The following CAST variants were observed in gnomAD, a reference collection of about 807,000 sequenced individuals.
CAST encodes calpastatin.
CAST carries 76 observed loss-of-function variants against 119.6 expected under a neutral mutation model. That is an observed-to-expected ratio of 0.64 (90% CI 0.53 to 0.77). CAST has a LOEUF of 0.77. CAST is among the 30% of genes least tolerant of loss of function. CAST has a pLI of 0.00. For synonymous variants in CAST, 319 were observed against 331.6 expected, an observed-to-expected ratio of 0.96 and a Z score of 0.41; for missense variants, 953 against 946.5, an observed-to-expected ratio of 1.01 and a Z score of -0.09.
chr5:96,511,495 A>G, the CAST span, among the ~76,000 whole-genome samples: 1 of 152,116 alleles, frequency 6.6e-6, no homozygotes, highest in Non-Finnish European at 1.5e-5. Context: ...ATGCTAGCAT[A>G]TTGTGTTATA....
chr5:96,369,731 C>A, the CAST span, among the ~76,000 whole-genome samples: 1 of 152,074 alleles, frequency 6.6e-6, no homozygotes, highest in Non-Finnish European at 1.5e-5. Context: ...TTACTCAATT[C>A]TCCTTGTTTT....
the CAST span, among the ~76,000 whole-genome samples, chr5:96,198,662 T>G: frequency 1.3e-5 from 2 of 152,258 alleles, no homozygotes. Context: ...GAAATTATAG[T>G]CTTGAACTTT....
At chr5:96,213,781 A>G in the CAST span, 1 of 151,964 alleles carries the variant, frequency 6.6e-6, no homozygotes, top group Admixed American at 6.6e-5. Flanking sequence ...GCAGAGTAAG[A>G]CCTTGTCTCT....
At chr5:96,620,639 G>A (rs552412161) in intron 1 of CAST, among the ~76,000 whole-genome samples, 1 of 152,130 alleles carries the variant, frequency 6.6e-6, no homozygotes, top group East Asian at 1.9e-4. Flanking sequence ...TTTGACTTAT[G>A]ATATTTATCA....
chr5:96,326,694 CATTTT>C, the CAST span, among the ~76,000 whole-genome samples: 12 of 74,164 alleles, frequency 1.6e-4, no homozygotes, highest in African/African-American at 4.9e-4. Flanking sequence ...TATGGCTTTT[CATTTT>C]TTTTTTTTTT....
At chr5:96,482,232 G>T in the CAST span, among the ~76,000 whole-genome samples, 7 of 151,980 alleles carry the variant, frequency 4.6e-5, no homozygotes, top group Non-Finnish European at 8.8e-5. Flanking sequence ...CTCATACTGG[G>T]GAAGAAGAAA....
the CAST span, among the ~76,000 whole-genome samples, chr5:96,177,904 A>C: frequency 5.3e-5 from 8 of 152,224 alleles, no homozygotes; most frequent in South Asian, 2.1e-4. Flanking sequence ...ATCTTCCTGT[A>C]ATTTTGAACA....
At chr5:96,682,579 T>G (rs1206909043) in intron 2 of CAST, among the ~76,000 whole-genome samples, 1 of 152,206 alleles carries the variant, frequency 6.6e-6, no homozygotes, top group African/African-American at 2.4e-5. Context: ...TGATGCCCTC[T>G]GCCTTTCTCT....
At chr5:96,532,196 A>G (rs1470789773) in intron 1 of CAST, among the ~76,000 whole-genome samples, 1 of 152,196 alleles carries the variant, frequency 6.6e-6, no homozygotes, top group Non-Finnish European at 1.5e-5. Flanking sequence ...AAAATAAATT[A>G]TCAAAGACAT....
At chr5:96,398,457 T>C in the CAST span, among the ~76,000 whole-genome samples, 3 of 152,256 alleles carry the variant, frequency 2.0e-5, no homozygotes, top group Admixed American at 2.0e-4. Flanking sequence ...AATTTGTTAA[T>C]CTTCTCAATC....
chr5:96,556,671 A>C (rs1336762748), intron 1 of CAST, among the ~76,000 whole-genome samples: 2 of 152,210 alleles, frequency 1.3e-5, no homozygotes, highest in African/African-American at 4.8e-5. Context: ...AAAGAATAAA[A>C]AGAAATGAAC....
chr5:96,550,425 G>T (rs921459441), intron 1 of CAST, among the ~76,000 whole-genome samples: 5 of 152,158 alleles, frequency 3.3e-5, no homozygotes, highest in Non-Finnish European at 7.3e-5. Flanking sequence ...CAACATCAAA[G>T]ACCAAAGGTA....
At chr5:96,275,456 A>C in the CAST span, among the ~76,000 whole-genome samples, 3,573 of 152,302 alleles carry the variant, frequency 0.023, 128 homozygotes, top group African/African-American at 0.082. Context: ...AGTTGTTGGA[A>C]TGTCATCCAG....
upstream of CAST, among the ~76,000 whole-genome samples, chr5:96,520,644 G>C (rs1745502244): frequency 6.6e-6 from 1 of 152,108 alleles, no homozygotes; most frequent in South Asian, 2.1e-4. Context: ...GCATAACCAA[G>C]AAGGAAAACA....
chr5:96,580,054 A>G (rs1477416617), intron 1 of CAST, among the ~76,000 whole-genome samples: 2 of 152,234 alleles, frequency 1.3e-5, no homozygotes, highest in African/African-American at 4.8e-5. Flanking sequence ...AGATATTTTC[A>G]TGTAAGTGTT....
the CAST span, among the ~76,000 whole-genome samples, chr5:95,979,594 G>C: frequency 5.3e-5 from 8 of 152,144 alleles, no homozygotes; most frequent in Non-Finnish European, 1.2e-4. Flanking sequence ...TTTGGAAAAA[G>C]TACAGGATCT....
intron 1 of CAST, among the ~76,000 whole-genome samples, chr5:96,631,379 A>T (rs1747816531): frequency 7.2e-6 from 1 of 139,076 alleles, no homozygotes; most frequent in African/African-American, 2.5e-5. Context: ...TTTTTGTCTG[A>T]CTCCTTTCAT....
the CAST span, chr5:96,398,772 A>G: frequency 1.0e-6 from 1 of 954,886 alleles, no homozygotes; most frequent in Admixed American, 1.8e-5. Context: ...AGACCTGAAA[A>G]TATCTATTAG....
chr5:96,365,388 T>C, the CAST span, among the ~76,000 whole-genome samples: 1 of 152,222 alleles, frequency 6.6e-6, no homozygotes, highest in Admixed American at 6.5e-5. Context: ...TTGTTAACTT[T>C]CTGTCTCGTT....
Sources: allele counts gnomAD v4.1 joint callset (sites outside exome capture counted in the v4.1 genomes callset), GRCh38; gene constraint gnomAD v4.1.1; transcripts MANE v1.5; gene names NCBI Gene and HGNC (gene_info 2026-07-23, HGNC 2026-07-21).